TMCC1: variants seen among roughly 807,000 people sequenced by gnomAD.
The protein encoded by TMCC1 is transmembrane and coiled-coil domains protein 1.
Under a neutral mutation model 52.4 loss-of-function variants are expected in TMCC1, and 15 were observed. The ratio of observed to expected loss-of-function variants is 0.29; its 90% CI spans 0.19 to 0.44. TMCC1 has a LOEUF of 0.44. TMCC1 is among the 20% of genes least tolerant of loss of function. The pLI, the probability that TMCC1 is intolerant of heterozygous loss-of-function variation, is 1.00. For missense variants in TMCC1, 503 were observed against 806.0 expected, an observed-to-expected ratio of 0.62 and a Z score of 4.55; for synonymous variants, 279 against 301.9, an observed-to-expected ratio of 0.92 and a Z score of 0.79.
chr3:129,825,811 G>C lies in TMCC1; in HGVS notation c.576+1992C>G, dbSNP rs567045081. 3.3e-5 allele frequency among the ~76,000 whole-genome samples: 5 copies of C among 152,302 alleles called. No individual in the cohort carries two copies. In the South Asian group the frequency reaches 1.0e-3, roughly 32 times the overall value. ...GGGACTGACTGCAGCCAAGGGGCATGAGAAATCATTATTTGGGGGTAATGG... is the reference window on the plus strand; with the variant it reads ...GGGACTGACTGCAGCCAAGGGGCATCAGAAATCATTATTTGGGGGTAATGG... On this transcript the variant is annotated intron_variant, in intron 4 of 6. Coordinates refer to ENST00000393238, the MANE Select transcript of TMCC1 (RefSeq NM_001017395.5).
chr3:129,809,759 G>A (rs72628506), intron 4 of TMCC1, among the ~76,000 whole-genome samples: 13,968 of 152,246 alleles, frequency 0.092, 1,088 homozygotes, highest in East Asian at 0.37. Flanking sequence ...TTTCCATACT[G>A]AACATTAATG....
chr3:129,738,467 C>G (rs1463038877), intron 4 of TMCC1, among the ~76,000 whole-genome samples: 1 of 152,112 alleles, frequency 6.6e-6, no homozygotes, highest in Non-Finnish European at 1.5e-5. Flanking sequence ...TAATCCATAA[C>G]CTACTTTACT....
Position 129,781,500 on chromosome 3 carries a change from T to C in TMCC1, c.576+46303A>G, listed in dbSNP as rs372794466. Reference sequence around the variant, plus strand: ...TTTCAGCTCTCAGAACGGTTGTATATAGCCTACATTTAGACACAATTAAAT... The same window carrying C: ...TTTCAGCTCTCAGAACGGTTGTATACAGCCTACATTTAGACACAATTAAAT... On this transcript the variant is annotated intron_variant, in intron 4 of 6. Transcript: ENST00000393238. Among the ~76,000 whole-genome samples the C allele has an allele frequency of 1.6e-4, 24 of 152,284 alleles. No individual in the cohort carries two copies. The East Asian group carries it at 2.1e-3, about 13-fold the overall frequency.
At chr3:129,791,040 T>C (rs899614467) in intron 4 of TMCC1, among the ~76,000 whole-genome samples, 3 of 151,150 alleles carry the variant, frequency 2.0e-5, no homozygotes, top group Middle Eastern at 3.4e-3. Flanking sequence ...TAGATAAACA[T>C]AGAAAAACAT....
intron 4 of TMCC1, among the ~76,000 whole-genome samples, chr3:129,694,975 C>A (rs2108958147): frequency 6.6e-6 from 1 of 151,440 alleles, no homozygotes; most frequent in East Asian, 1.9e-4. Context: ...TCAAGAATAA[C>A]ATTTGGAGAT....
At chr3:129,733,820 T>A (rs1430619612) in intron 4 of TMCC1, among the ~76,000 whole-genome samples, 1 of 152,198 alleles carries the variant, frequency 6.6e-6, no homozygotes, top group Non-Finnish European at 1.5e-5. Flanking sequence ...CTAGCTATCA[T>A]AAGCTTTGCC....
chr3:129,652,191 C>T (rs909786921), intron 6 of TMCC1, among the ~76,000 whole-genome samples: 6 of 152,236 alleles, frequency 3.9e-5, no homozygotes, highest in African/African-American at 1.2e-4. Flanking sequence ...AATTCCAATC[C>T]CTGTCCCTGA....
At chr3:129,886,115 T>C (rs1262643925) in intron 1 of TMCC1, among the ~76,000 whole-genome samples, 2 of 152,164 alleles carry the variant, frequency 1.3e-5, no homozygotes, top group African/African-American at 4.8e-5. Context: ...ATAACCCAAC[T>C]GCACAGTGAG....
intron 2 of TMCC1, among the ~76,000 whole-genome samples, chr3:129,878,019 C>T (rs557793064): frequency 1.4e-4 from 21 of 151,132 alleles, no homozygotes; most frequent in African/African-American, 4.4e-4. Context: ...AGTATAATGG[C>T]GCAATCTCGG....
chr3:129,721,364 A>G (rs2107593895), intron 4 of TMCC1, among the ~76,000 whole-genome samples: 1 of 151,618 alleles, frequency 6.6e-6, no homozygotes, highest in East Asian at 2.0e-4. Context: ...TATTTTGAGA[A>G]AGGATCTTGC....
intron 4 of TMCC1, among the ~76,000 whole-genome samples, chr3:129,769,306 T>C (rs1479092104): frequency 6.6e-6 from 1 of 152,266 alleles, no homozygotes; most frequent in Non-Finnish European, 1.5e-5. Flanking sequence ...CTCGGCTCAC[T>C]GCAACCTCTG....
chr3:129,680,748 A>G (rs1448474800), intron 4 of TMCC1, among the ~76,000 whole-genome samples: 2 of 152,128 alleles, frequency 1.3e-5, no homozygotes, highest in Non-Finnish European at 2.9e-5. Context: ...TAAAAATACA[A>G]AAACTAGCCA....
At chr3:129,765,642 C>G (rs1250202134) in intron 4 of TMCC1, among the ~76,000 whole-genome samples, 8 of 152,006 alleles carry the variant, frequency 5.3e-5, no homozygotes, top group Non-Finnish European at 1.0e-4. Context: ...AGAGAAGTAT[C>G]TCCTAGCTTA....
chr3:129,649,180 T>C lies in TMCC1; in HGVS notation c.*2301A>G. The stretch of plus-strand genomic sequence containing the variant: ...GGCAGTTTGGGGGACTCAAAGGTTC[T>C]AGCTTAGAAAAACTGGTGGATTGCT... On this transcript the variant is annotated 3_prime_UTR_variant, in exon 7 of 7. Coordinates refer to ENST00000393238, the MANE Select transcript of TMCC1 (RefSeq NM_001017395.5). 6.6e-6 allele frequency: 1 copy of C among 152,214 alleles called. No homozygotes were observed. Among genetic ancestry groups the C allele is most frequent in the South Asian group, 2.1e-4 (1 of 4,832 alleles). 9.4% of individuals were successfully genotyped at this position (152,214 alleles called of 1,614,324 possible).
intron 2 of TMCC1, among the ~76,000 whole-genome samples, chr3:129,858,744 C>T (rs1230860904): frequency 6.6e-6 from 1 of 152,126 alleles, no homozygotes; most frequent in African/African-American, 2.4e-5. Context: ...TCACATTTAA[C>T]ATCTGCAAGC....
chr3:129,680,627 C>T (rs1024490463), intron 4 of TMCC1, among the ~76,000 whole-genome samples: 1 of 152,066 alleles, frequency 6.6e-6, no homozygotes, highest in Non-Finnish European at 1.5e-5. Flanking sequence ...TGGGCCAGGC[C>T]TGGTGGCTCA....
chr3:129,671,212 G>A lies in TMCC1; in HGVS notation c.629C>T (p.Ser210Phe). ...TGTGTGGATGCTGCCATCGGTACTG[G>A]AGGCCACTGCACTGGATGTTTGGGC... is the stretch of plus-strand genomic sequence containing the variant. Reference protein sequence around the residue: ...SLAQTSSAVASSTDGSIHTDS... With the variant: ...SLAQTSSAVAFSTDGSIHTDS... Residue 210 changes from serine (S) to phenylalanine (F), a missense_variant, in exon 5 of 7, where the codon TCC becomes TTC. Coordinates refer to ENST00000393238, the MANE Select transcript of TMCC1 (RefSeq NM_001017395.5). 1 of 1,614,120 alleles carries A rather than the reference G, an allele frequency of 6.2e-7. No homozygotes were observed. Among genetic ancestry groups the A allele is most frequent in the South Asian group, 1.1e-5 (1 of 91,068 alleles).
chr3:129,803,373 C>G (rs974773770), intron 4 of TMCC1, among the ~76,000 whole-genome samples: 1 of 152,164 alleles, frequency 6.6e-6, no homozygotes, highest in South Asian at 2.1e-4. Flanking sequence ...GGAAGAGTTA[C>G]TATTTAATGG....
At chr3:129,849,962 T>C (rs998883610) in intron 2 of TMCC1, among the ~76,000 whole-genome samples, 2 of 152,088 alleles carry the variant, frequency 1.3e-5, no homozygotes, top group South Asian at 2.1e-4. Flanking sequence ...CAGGATTACA[T>C]GAGCAGATTT....
Sources: allele counts gnomAD v4.1 joint callset (sites outside exome capture counted in the v4.1 genomes callset), GRCh38; gene constraint gnomAD v4.1.1; transcripts MANE v1.5; gene names NCBI Gene and HGNC (gene_info 2026-07-23, HGNC 2026-07-21).